Variants in STARD8 observed in about 807,000 individuals in gnomAD.
STARD8 encodes the protein stAR-related lipid transfer protein 8.
A neutral mutation model predicts 69.4 loss-of-function variants in STARD8; 25 were observed. The ratio of observed to expected loss-of-function variants is 0.36; its 90% CI spans 0.26 to 0.50. STARD8 has a LOEUF of 0.50. Among genes scored for constraint, STARD8 ranks in the 20% least tolerant of loss-of-function variants. STARD8 has a pLI of 0.96. For synonymous variants in STARD8, 389 were observed against 374.6 expected (o/e 1.04, Z -0.45); for missense variants, 921 against 932.5 (o/e 0.99, Z 0.16).
At chrX:68,668,938 T>A (rs2079711083) in intron 2 of STARD8, among the ~76,000 whole-genome samples, 1 of 111,744 alleles carries the variant, frequency 8.9e-6, no homozygotes, top group South Asian at 3.7e-4. Context: ...TAAATATATA[T>A]CATGATGCAG....
intron 2 of STARD8, among the ~76,000 whole-genome samples, chrX:68,682,000 A>AT (rs58696444): frequency 0.012 from 1,190 of 96,000 alleles, 15 homozygotes; most frequent in African/African-American, 0.033. Context: ...TTACTCTTCA[A>AT]TTTTTTTTTT....
rs776780953 is a variant in STARD8, at chrX:68,714,321, C to T, written c.152-973C>T. Among the ~76,000 whole-genome samples, 26 of 112,424 alleles carry T rather than the reference C, an allele frequency of 2.3e-4. No homozygotes were observed. In the South Asian group the frequency reaches 7.4e-3, roughly 32 times the overall value. On this transcript the variant is annotated intron_variant, in intron 3 of 14. Coordinates refer to ENST00000374599, the MANE Select transcript of STARD8 (RefSeq NM_001142503.3). ...TACTCTTACCTTTGTTCACAGGGCT[C>T]CTCTCTACACTTGCTCACACCAAGC...
At chrX:68,689,221 A>G (rs1446519731) in intron 2 of STARD8, among the ~76,000 whole-genome samples, 1 of 104,713 alleles carries the variant, frequency 9.5e-6, no homozygotes, top group Non-Finnish European at 2.0e-5. Context: ...CTGTGCCACT[A>G]CGGTCACCAA....
chrX:68,720,267 A>C lies in STARD8; in HGVS notation c.1893A>C (p.Ser631=). The stretch of plus-strand genomic sequence containing the variant: ...CACTTGTCATTCTCCCAAACAGGTC[A>C]ATGCCCAAGTTCATGAGGAGGAACA... ...TVPHKQGWVW[S]MPKFMRRNKT... Residue 631 remains serine (S), a synonymous_variant, in exon 8 of 15, where the codon TCA becomes TCC. Coordinates refer to ENST00000374599, the MANE Select transcript of STARD8 (RefSeq NM_001142503.3). The C allele has an allele frequency of 4.2e-6, 5 of 1,196,009 alleles. No homozygotes were observed. The highest frequency in any genetic ancestry group is 5.6e-6 in the Non-Finnish European group (5 of 887,230).
Position 68,723,245 on chromosome X carries a change from T to C in STARD8, c.2800-381T>C, listed in dbSNP as rs912619796. On this transcript the variant is annotated intron_variant, in intron 12 of 14. Transcript: ENST00000374599. ...AGGGTGAGTGTGAATGCCTGGTACA[T>C]ACTAAAGGTTCTGTAAGTGGCAGCT... Among the ~76,000 whole-genome samples, 4 of 112,507 alleles carry C rather than the reference T, an allele frequency of 3.6e-5. No individual in the cohort carries two copies. In the Admixed American group the frequency reaches 3.7e-4, roughly 11 times the overall value.
chrX:68,707,126 A>G (rs891660200), intron 2 of STARD8, among the ~76,000 whole-genome samples: 2 of 112,435 alleles, frequency 1.8e-5, no homozygotes, highest in African/African-American at 6.5e-5. Context: ...AGAGACAAAC[A>G]TGGAGACCAG....
chrX:68,681,893 A>T (rs1192047196), intron 2 of STARD8, among the ~76,000 whole-genome samples: 1 of 111,687 alleles, frequency 9.0e-6, no homozygotes, highest in Non-Finnish European at 1.9e-5. Context: ...TCTTTTCCTC[A>T]GTAACATGGG....
At chrX:68,707,346 C>T (rs1219702193) in intron 2 of STARD8, among the ~76,000 whole-genome samples, 1 of 112,311 alleles carries the variant, frequency 8.9e-6, no homozygotes, top group African/African-American at 3.2e-5. Flanking sequence ...ACTCTCCCTG[C>T]TCCTGCACTC....
At position 68,718,495 on chromosome X, in the gene STARD8, C is replaced by T. The variant is rs751751600; in HGVS notation, c.1581C>T (p.Ser527=). 8.2e-7 allele frequency: 1 copy of T among 1,212,204 alleles called. No individual in the cohort carries two copies. Among genetic ancestry groups the T allele is most frequent in the South Asian group, 1.8e-5 (1 of 56,944 alleles). Reference sequence around the variant, plus strand: ...ACTCCATTTCTGACACTGTGGCCTCCTCCAGCGAACTTGACAGTAGTGGGA... The same window carrying T: ...ACTCCATTTCTGACACTGTGGCCTCTTCCAGCGAACTTGACAGTAGTGGGA... ...EGHSISDTVA[S]SSELDSSGNS... Residue 527 remains serine (S), a synonymous_variant, in exon 6 of 15, where the codon TCC becomes TCT. Coordinates refer to ENST00000374599, the MANE Select transcript of STARD8 (RefSeq NM_001142503.3).
At chrX:68,697,663 C>T (rs1322825704) in intron 2 of STARD8, among the ~76,000 whole-genome samples, 1 of 112,336 alleles carries the variant, frequency 8.9e-6, no homozygotes, top group African/African-American at 3.2e-5. Context: ...ATCACCAAGG[C>T]CCAGCTTGGA....
intron 2 of STARD8, among the ~76,000 whole-genome samples, chrX:68,688,842 C>CCA (rs2079853847): frequency 9.6e-6 from 1 of 103,878 alleles, no homozygotes; most frequent in Non-Finnish European, 2.0e-5. Context: ...CATGCCACCC[C>CCA]CACCCCCGTG....
intron 1 of STARD8, among the ~76,000 whole-genome samples, chrX:68,657,900 G>A (rs759438339): frequency 9.0e-6 from 1 of 110,986 alleles, no homozygotes; most frequent in African/African-American, 3.3e-5. Context: ...TCTGACTTAA[G>A]TCTCTTCAGA....
At chrX:68,651,061 A>G (rs2079545551) in intron 1 of STARD8, among the ~76,000 whole-genome samples, 1 of 112,606 alleles carries the variant, frequency 8.9e-6, no homozygotes, top group African/African-American at 3.2e-5. Flanking sequence ...GCAAATGCAC[A>G]TGTACACACA....
intron 2 of STARD8, among the ~76,000 whole-genome samples, chrX:68,675,529 A>G (rs1254186470): frequency 1.0e-5 from 1 of 95,600 alleles, no homozygotes; most frequent in Non-Finnish European, 2.1e-5. Flanking sequence ...TTTCATGACT[A>G]TCAAATTACC....
Position 68,725,555 on chromosome X carries a change from AAT to A in STARD8, c.*1156_*1157del, listed in dbSNP as rs771897636. On this transcript the variant is annotated 3_prime_UTR_variant, in exon 15 of 15. Coordinates refer to ENST00000374599, the MANE Select transcript of STARD8 (RefSeq NM_001142503.3). Reference sequence around the variant, plus strand: ...TTGTACCTGTAAATACTGTACAGCTAATATATATATATATATATATATATGTG... The same window carrying A: ...TTGTACCTGTAAATACTGTACAGCTAATATATATATATATATATATATGTG... The A allele has an allele frequency of 0.021, 1,996 of 93,240 alleles. 23 individuals carry two copies. Among genetic ancestry groups the A allele is most frequent in the African/African-American group, 0.038 (912 of 23,910 alleles). 7.7% of individuals were successfully genotyped at this position (93,240 alleles called of 1,213,427 possible). A position where few individuals can be genotyped will look rare whatever the true frequency, so the allele number is the denominator to read the frequency against.
At chrX:68,676,263 G>A (rs2079764727) in intron 2 of STARD8, among the ~76,000 whole-genome samples, 1 of 111,705 alleles carries the variant, frequency 9.0e-6, no homozygotes, top group Admixed American at 9.5e-5. Flanking sequence ...GGCCAAACTG[G>A]CCCGGCTCGC....
intron 3 of STARD8, among the ~76,000 whole-genome samples, chrX:68,714,740 G>A (rs1015396482): frequency 8.9e-6 from 1 of 112,208 alleles, no homozygotes; most frequent in Non-Finnish European, 1.9e-5. Flanking sequence ...GGAACAAATG[G>A]GCTTGCTTCA....
At chrX:68,686,349 C>T (rs907016307) in intron 2 of STARD8, among the ~76,000 whole-genome samples, 1 of 112,619 alleles carries the variant, frequency 8.9e-6, no homozygotes, top group Non-Finnish European at 1.9e-5. Context: ...CGCTCAGTCC[C>T]GGGGCAAAAC....
chrX:68,703,415 C>A (rs1191755997), intron 2 of STARD8, among the ~76,000 whole-genome samples: 3 of 112,793 alleles, frequency 2.7e-5, no homozygotes, highest in African/African-American at 9.7e-5. Context: ...TCCCTTGGCC[C>A]TACCATGGCC....
Sources: allele counts gnomAD v4.1 joint callset (sites outside exome capture counted in the v4.1 genomes callset), GRCh38; gene constraint gnomAD v4.1.1; transcripts MANE v1.5; gene names NCBI Gene and HGNC (gene_info 2026-07-23, HGNC 2026-07-21).